Variants in PDE3A observed in about 807,000 individuals in gnomAD.
PDE3A encodes cGMP-inhibited 3',5'-cyclic phosphodiesterase 3A.
Under a neutral mutation model 98.3 loss-of-function variants are expected in PDE3A, and 43 were observed. The observed-to-expected ratio is 0.44, with a 90% CI of 0.34 to 0.56. The LOEUF is 0.56. Ranked by LOEUF, PDE3A falls within the 20% of genes least tolerant of loss-of-function variation. PDE3A has a pLI of 0.01. For synonymous variants in PDE3A, 663 were observed against 567.9 expected, an observed-to-expected ratio of 1.17 and a Z score of -2.38; for missense variants, 1,427 against 1,440.7, an observed-to-expected ratio of 0.99 and a Z score of 0.15.
chr12:20,598,760 A>G (rs1443761043), intron 2 of PDE3A, among the ~76,000 whole-genome samples: 2 of 152,222 alleles, frequency 1.3e-5, no homozygotes. Context: ...ATAGGAATAA[A>G]TCTATTTCAT....
chr12:20,486,230 G>A (rs1945724713), intron 1 of PDE3A, among the ~76,000 whole-genome samples: 2 of 152,106 alleles, frequency 1.3e-5, no homozygotes, highest in South Asian at 2.1e-4. Context: ...GGAGGCCTCG[G>A]GAAACTTACA....
Position 20,383,976 on chromosome 12 carries a change from G to A in PDE3A, c.960+13732G>A, listed in dbSNP as rs186769583. On this transcript the variant is annotated intron_variant, in intron 1 of 15. Transcript: ENST00000359062. ...AAGATTGTTGCAATAATCCAGAGATGGTTGGGAGTTGGACCAAAATGATAA... is the reference window on the plus strand; with the variant it reads ...AAGATTGTTGCAATAATCCAGAGATAGTTGGGAGTTGGACCAAAATGATAA... Among the ~76,000 whole-genome samples the A allele has an allele frequency of 1.8e-4, 28 of 152,038 alleles. No homozygotes were observed. In the East Asian group the frequency reaches 4.9e-3, roughly 26 times the overall value.
intron 2 of PDE3A, among the ~76,000 whole-genome samples, chr12:20,580,786 T>C (rs1943043203): frequency 6.6e-6 from 1 of 152,192 alleles, no homozygotes; most frequent in African/African-American, 2.4e-5. Context: ...TAATGCTCCT[T>C]TACCCCCTCT....
At chr12:20,456,257 T>C (rs568277254) in intron 1 of PDE3A, among the ~76,000 whole-genome samples, 72 of 152,242 alleles carry the variant, frequency 4.7e-4, no homozygotes, top group African/African-American at 1.6e-3. Flanking sequence ...AGCTTAAGTT[T>C]GCTAAAATAC....
chr12:20,679,972 T>C (rs995899836), intron 15 of PDE3A, 58 bp from the exon 16 acceptor site: 2 of 1,267,750 alleles, frequency 1.6e-6, no homozygotes, highest in Non-Finnish European at 2.2e-6. Context: ...ATAACGTTCA[T>C]GTGCTCAGCA....
chr12:20,407,650 C>T (rs1263535576), intron 1 of PDE3A, among the ~76,000 whole-genome samples: 2 of 152,018 alleles, frequency 1.3e-5, no homozygotes, highest in Non-Finnish European at 2.9e-5. Context: ...CCAATTCCTT[C>T]CAATACAAAG....
At chr12:20,545,568 C>T (rs1446925007) in intron 1 of PDE3A, among the ~76,000 whole-genome samples, 1 of 151,850 alleles carries the variant, frequency 6.6e-6, no homozygotes, top group Non-Finnish European at 1.5e-5. Flanking sequence ...AAAGGAGGGT[C>T]AATTTTAAGA....
intron 3 of PDE3A, 21 bp downstream of exon 3, chr12:20,613,721 C>G (rs780554638): frequency 1.9e-6 from 3 of 1,589,848 alleles, no homozygotes; most frequent in Non-Finnish European, 2.6e-6. Flanking sequence ...ATGACATACC[C>G]CTTAAAGGGT....
intron 1 of PDE3A, among the ~76,000 whole-genome samples, chr12:20,426,114 G>A (rs1312518797): frequency 6.6e-6 from 1 of 152,148 alleles, no homozygotes; most frequent in African/African-American, 2.4e-5. Context: ...ACTTAATGCT[G>A]TTGAGGAAAA....
chr12:20,581,126 T>A (rs556480013), intron 2 of PDE3A, among the ~76,000 whole-genome samples: 184 of 152,320 alleles, frequency 1.2e-3, no homozygotes, highest in African/African-American at 4.4e-3. Context: ...AATTTTCTTT[T>A]AAAATTATGA....
intron 1 of PDE3A, among the ~76,000 whole-genome samples, chr12:20,527,437 A>G (rs920676600): frequency 3.9e-5 from 6 of 152,132 alleles, no homozygotes; most frequent in African/African-American, 1.4e-4. Flanking sequence ...TAGCAAAAAC[A>G]TTGTTTCTGG....
At chr12:20,567,853 A>G (rs969000574) in intron 2 of PDE3A, among the ~76,000 whole-genome samples, 1 of 152,040 alleles carries the variant, frequency 6.6e-6, no homozygotes, top group South Asian at 2.1e-4. Flanking sequence ...GAAGAAAAAT[A>G]TATAATTTTA....
At chr12:20,442,751 G>A (rs1944890457) in intron 1 of PDE3A, among the ~76,000 whole-genome samples, 1 of 152,190 alleles carries the variant, frequency 6.6e-6, no homozygotes, top group South Asian at 2.1e-4. Flanking sequence ...CTAAAGAGGT[G>A]AGATTGTATC....
chr12:20,400,544 C>T lies in PDE3A; in HGVS notation c.960+30300C>T, dbSNP rs1038322274. Among the ~76,000 whole-genome samples, 3 of 151,700 alleles carry T rather than the reference C, an allele frequency of 2.0e-5. No homozygotes were observed. The South Asian group carries it at 6.3e-4, about 32-fold the overall frequency. ...GCCTCAGCCTCCCAGGTAGCTGGGA[C>T]TACAGGCGCCCGCCACTGCGCCCGT... On this transcript the variant is annotated intron_variant, in intron 1 of 15. Coordinates refer to ENST00000359062, the MANE Select transcript of PDE3A (RefSeq NM_000921.5).
At chr12:20,620,208 T>C (rs952963235) in intron 4 of PDE3A, among the ~76,000 whole-genome samples, 3 of 152,048 alleles carry the variant, frequency 2.0e-5, no homozygotes, top group African/African-American at 7.2e-5. Context: ...CCCATAATTC[T>C]ATCAATTTTA....
chr12:20,659,369 A>C (rs1418472566), intron 15 of PDE3A, among the ~76,000 whole-genome samples: 1 of 152,214 alleles, frequency 6.6e-6, no homozygotes, highest in East Asian at 1.9e-4. Context: ...AAGAATGACT[A>C]GCCCTTCCAC....
chr12:20,678,411 C>T (rs111309270), intron 15 of PDE3A, among the ~76,000 whole-genome samples: 12 of 152,260 alleles, frequency 7.9e-5, no homozygotes, highest in African/African-American at 2.2e-4. Flanking sequence ...GTACCAGATG[C>T]CTCTAGCCTA....
At chr12:20,588,131 G>A (rs888960480) in intron 2 of PDE3A, among the ~76,000 whole-genome samples, 6 of 152,172 alleles carry the variant, frequency 3.9e-5, no homozygotes, top group Non-Finnish European at 8.8e-5. Context: ...TGAAGAAGGC[G>A]GTAGGGGCAG....
At chr12:20,496,624 G>A (rs1945924895) in intron 1 of PDE3A, among the ~76,000 whole-genome samples, 1 of 151,770 alleles carries the variant, frequency 6.6e-6, no homozygotes, top group Admixed American at 6.6e-5. Context: ...TTATCAATGA[G>A]CTGTCCACGT....
Sources: allele counts gnomAD v4.1 joint callset (sites outside exome capture counted in the v4.1 genomes callset), GRCh38; gene constraint gnomAD v4.1.1; transcripts MANE v1.5; gene names NCBI Gene and HGNC (gene_info 2026-07-23, HGNC 2026-07-21).